ELMO1: variants seen among roughly 807,000 people sequenced by gnomAD.
The protein encoded by ELMO1 is engulfment and cell motility protein 1.
Under a neutral mutation model 98.9 loss-of-function variants are expected in ELMO1, and 26 were observed. That is an observed-to-expected ratio of 0.26 (90% CI 0.19 to 0.36). The LOEUF (loss-of-function observed/expected upper bound fraction) is 0.36. ELMO1 is among the 10% of genes least tolerant of loss of function. The probability of loss-of-function intolerance (pLI) is 1.00; values close to 1 mark genes in which losing one functional copy is unlikely to be tolerated. For missense variants in ELMO1, 627 were observed against 935.2 expected (o/e 0.67, Z 4.30); for synonymous variants, 346 against 346.0 (o/e 1.00, Z 0.00).
chr7:36,916,246 G>C (rs746178487), intron 16 of ELMO1, among the ~76,000 whole-genome samples: 1 of 152,186 alleles, frequency 6.6e-6, no homozygotes, highest in Non-Finnish European at 1.5e-5. Context: ...GTCATTTCCA[G>C]TCATAGCATC....
Position 37,342,018 on chromosome 7 carries a change from TAA to T in ELMO1, c.78+593_78+594del, listed in dbSNP as rs1800746928. ...GCCTTTATGGGTCAAGCCACTTTTA[TAA>T]GTCTTCTTGATATTTTTTAATTCAA... On this transcript the variant is annotated intron_variant, in intron 2 of 21. Transcript: ENST00000310758. The surrounding 1 kb of genome is among the most constrained non-coding windows in gnomAD (Gnocchi z 4.3). Among the ~76,000 whole-genome samples, 1 of 152,202 alleles carries T rather than the reference TAA, an allele frequency of 6.6e-6. No individual in the cohort carries two copies. The highest frequency in any genetic ancestry group is 6.5e-5 in the Admixed American group (1 of 15,282).
intron 15 of ELMO1, among the ~76,000 whole-genome samples, chr7:37,040,842 C>T (rs34224930): frequency 0.031 from 4,652 of 151,962 alleles, 101 homozygotes; most frequent in Middle Eastern, 0.075. Context: ...TTTGGGAGGC[C>T]GAGGTGGGCA....
chr7:37,151,222 T>C (rs1788335170), intron 13 of ELMO1, among the ~76,000 whole-genome samples: 1 of 152,210 alleles, frequency 6.6e-6, no homozygotes, highest in South Asian at 2.1e-4. Context: ...CCAGGGTGTT[T>C]GCCCAACTTT....
chr7:37,322,599 C>G (rs555813460), intron 2 of ELMO1, among the ~76,000 whole-genome samples: 1 of 146,896 alleles, frequency 6.8e-6, no homozygotes, highest in Non-Finnish European at 1.5e-5. Flanking sequence ...CCAGCCTGGG[C>G]GACAACAGTA....
chr7:37,196,466 C>T (rs75953778), intron 13 of ELMO1, among the ~76,000 whole-genome samples: 32,443 of 152,098 alleles, frequency 0.21, 3,640 homozygotes, highest in Middle Eastern at 0.28. Context: ...TGCATGTTCC[C>T]TTAAGAAGCA....
chr7:37,327,017 G>A (rs1400230261), intron 2 of ELMO1, among the ~76,000 whole-genome samples: 1 of 152,160 alleles, frequency 6.6e-6, no homozygotes, highest in African/African-American at 2.4e-5. Flanking sequence ...ATGTTGCTAT[G>A]GATATCAAGA....
At chr7:37,018,068 G>C (rs893660431) in intron 15 of ELMO1, among the ~76,000 whole-genome samples, 16 of 152,136 alleles carry the variant, frequency 1.1e-4, no homozygotes, top group African/African-American at 3.6e-4. Flanking sequence ...TGTATATAAA[G>C]TGTGCAGTAA....
At chr7:36,924,271 A>T (rs1323300964) in intron 16 of ELMO1, among the ~76,000 whole-genome samples, 1 of 152,140 alleles carries the variant, frequency 6.6e-6, no homozygotes, top group East Asian at 1.9e-4. Context: ...TTGGGGGTGC[A>T]CTGAAACTGG....
At chr7:37,187,201 C>A (rs974197198) in intron 13 of ELMO1, among the ~76,000 whole-genome samples, 1 of 152,058 alleles carries the variant, frequency 6.6e-6, no homozygotes, top group Admixed American at 6.6e-5. Context: ...TGAAAGAAGC[C>A]AGTAACAAAA....
At chr7:37,009,124 T>G (rs1041307538) in intron 16 of ELMO1, among the ~76,000 whole-genome samples, 13 of 152,202 alleles carry the variant, frequency 8.5e-5, no homozygotes, top group African/African-American at 3.1e-4. Context: ...ATACCTAAAA[T>G]ATCCAAGTTA....
intron 8 of ELMO1, among the ~76,000 whole-genome samples, chr7:37,231,565 ATAAC>A (rs1324825641): frequency 1.3e-5 from 2 of 152,238 alleles, no homozygotes; most frequent in Non-Finnish European, 2.9e-5. Flanking sequence ...ATTATACAAA[ATAAC>A]TGACTGTTAA....
intron 1 of ELMO1, among the ~76,000 whole-genome samples, chr7:37,387,161 T>G (rs1235505023): frequency 3.9e-5 from 6 of 152,216 alleles, no homozygotes; most frequent in African/African-American, 9.6e-5. Flanking sequence ...ACAAAGGATA[T>G]GGCCCTGGCC....
rs558793817 is a variant in ELMO1, at chr7:37,158,878, G to A, written c.1087-25644C>T. On this transcript the variant is annotated intron_variant, in intron 13 of 21. Coordinates refer to ENST00000310758, the MANE Select transcript of ELMO1 (RefSeq NM_014800.11). ...ATGTATGTTTATTGTGGCACTATTC[G>A]CAATAGCAAGACTTGGAACCAACCC... Among the ~76,000 whole-genome samples the A allele has an allele frequency of 5.9e-5, 9 of 152,056 alleles. No homozygotes were observed. In the South Asian group the frequency reaches 1.2e-3, roughly 21 times the overall value.
intron 2 of ELMO1, among the ~76,000 whole-genome samples, chr7:37,320,545 C>T (rs974994398): frequency 1.3e-5 from 2 of 152,148 alleles, no homozygotes; most frequent in Admixed American, 1.3e-4. Flanking sequence ...TCAAAGCCAC[C>T]TCCTCTAATC....
At chr7:36,959,091 A>G (rs747790958) in intron 16 of ELMO1, among the ~76,000 whole-genome samples, 54 of 152,154 alleles carry the variant, frequency 3.5e-4, no homozygotes, top group Non-Finnish European at 7.6e-4. Context: ...ACTTGACTTC[A>G]TCAGTCTCTC....
chr7:36,905,630 C>T (rs755715509), intron 16 of ELMO1, among the ~76,000 whole-genome samples: 11 of 152,204 alleles, frequency 7.2e-5, no homozygotes, highest in Non-Finnish European at 1.5e-4. Context: ...AATCACTGCC[C>T]CTTCTTCACT....
chr7:37,374,297 T>C (rs1173476186), intron 1 of ELMO1, among the ~76,000 whole-genome samples: 5 of 152,082 alleles, frequency 3.3e-5, no homozygotes, highest in African/African-American at 9.7e-5. Flanking sequence ...GCTGTTGTTA[T>C]GCAACCATCG....
At chr7:36,950,590 T>C (rs1186299764) in intron 16 of ELMO1, among the ~76,000 whole-genome samples, 1 of 152,218 alleles carries the variant, frequency 6.6e-6, no homozygotes, top group Non-Finnish European at 1.5e-5. Flanking sequence ...GTAACAATTA[T>C]ACATCTTTAA....
intron 16 of ELMO1, among the ~76,000 whole-genome samples, chr7:36,985,757 G>A (rs1181955969): frequency 1.3e-5 from 2 of 152,366 alleles, no homozygotes; most frequent in Non-Finnish European, 2.9e-5. Flanking sequence ...AGCAAAGCAT[G>A]CAGTCTTTTG....
Sources: allele counts gnomAD v4.1 joint callset (sites outside exome capture counted in the v4.1 genomes callset), GRCh38; gene constraint gnomAD v4.1.1; non-coding constraint Gnocchi (gnomAD v3.1); transcripts MANE v1.5; gene names NCBI Gene and HGNC (gene_info 2026-07-23, HGNC 2026-07-21).